The following WIPF3 variants were observed in gnomAD, a reference collection of about 807,000 sequenced individuals.
WIPF3 encodes the protein WAS/WASL-interacting protein family member 3.
WIPF3 carries 33 observed loss-of-function variants against 38.9 expected under a neutral mutation model. The ratio of observed to expected loss-of-function variants is 0.85; its 90% CI spans 0.64 to 1.14. WIPF3 has a LOEUF of 1.14. Ranked by LOEUF, WIPF3 falls within the 50% of genes most tolerant of loss-of-function variation. The probability of loss-of-function intolerance (pLI) is 0.00; values close to 1 mark genes in which losing one functional copy is unlikely to be tolerated. For missense variants in WIPF3, 711 were observed against 652.5 expected (o/e 1.09, Z -0.98); for synonymous variants, 324 against 269.3 (o/e 1.20, Z -1.99).
intron 7 of WIPF3, 127 bp downstream of exon 7, chr7:29,889,534 T>TGTA (rs1301755881): frequency 4.3e-5 from 30 of 699,852 alleles, no homozygotes; most frequent in Admixed American, 1.4e-4. Flanking sequence ...ACTGCAAGGA[T>TGTA]GTAGTGCTGT....
chr7:29,817,828 G>A (rs573969078), intron 1 of WIPF3, among the ~76,000 whole-genome samples: 1 of 152,100 alleles, frequency 6.6e-6, no homozygotes, highest in South Asian at 2.1e-4. Context: ...GTTATAAAAA[G>A]CAAACAAGTT....
intron 7 of WIPF3, among the ~76,000 whole-genome samples, chr7:29,895,726 G>A (rs530906957): frequency 3.3e-5 from 5 of 152,260 alleles, no homozygotes; most frequent in South Asian, 2.1e-4. Context: ...GTGACGGAGC[G>A]GAGCAACAGG....
chr7:29,883,844 T>C lies in WIPF3; in HGVS notation c.356-6T>C, dbSNP rs370441665. ...CGAGCTAACCCAGAATCTCTTTCACTTCCAGGTGGCAAGACAGGGCAGGGC... is the reference window on the plus strand; with the variant it reads ...CGAGCTAACCCAGAATCTCTTTCACCTCCAGGTGGCAAGACAGGGCAGGGC... On this transcript the variant is annotated splice_polypyrimidine_tract_variant and splice_region_variant and intron_variant, in intron 4 of 8. Coordinates refer to ENST00000242140, the MANE Select transcript of WIPF3 (RefSeq NM_001080529.3). The C allele has an allele frequency of 3.7e-5, 56 of 1,521,856 alleles. No homozygotes were observed. The African/African-American group carries it at 6.8e-4, about 18-fold the overall frequency. 94.3% of individuals were successfully genotyped at this position (1,521,856 alleles called of 1,614,324 possible).
intron 7 of WIPF3, 27 bp from the exon 8 acceptor site, chr7:29,904,259 T>A (rs1562791323): frequency 6.2e-7 from 1 of 1,612,488 alleles, no homozygotes; most frequent in Admixed American, 1.7e-5. Context: ...GGCCAATAGA[T>A]AATGAGATTG....
chr7:29,811,813 GGCCAAAAT>G (rs1784383962), intron 1 of WIPF3, among the ~76,000 whole-genome samples: 1 of 152,134 alleles, frequency 6.6e-6, no homozygotes, highest in South Asian at 2.1e-4. Flanking sequence ...CTCTTTGCAG[GGCCAAAAT>G]GCTGTGGTTC....
intron 7 of WIPF3, among the ~76,000 whole-genome samples, chr7:29,897,763 C>A (rs138690209): frequency 1.3e-5 from 2 of 152,140 alleles, no homozygotes; most frequent in African/African-American, 2.4e-5. Context: ...TCCATCTTTG[C>A]GGAAGGCAGC....
chr7:29,806,611 A>AGGCGGC lies in WIPF3; in HGVS notation c.-116_-111dup, dbSNP rs904135273. On this transcript the variant is annotated 5_prime_UTR_variant, in exon 1 of 9. Transcript: ENST00000242140. ...GCTGCGGGACGGAGCCCGGAGCCGG[A>AGGCGGC]GGCGGCGGCGGCGGAGACGTCGGCC... is the stretch of plus-strand genomic sequence containing the variant. 6.6e-6 allele frequency: 1 copy of AGGCGGC among 151,036 alleles called. No homozygotes were observed. The highest frequency in any genetic ancestry group is 1.5e-5 in the Non-Finnish European group (1 of 67,714). The allele number at this position is 151,036 out of a possible 1,614,324, so 9.4% of individuals were successfully genotyped here. A position where few individuals can be genotyped will look rare whatever the true frequency, so the allele number is the denominator to read the frequency against.
At chr7:29,897,867 C>G (rs1238404459) in intron 7 of WIPF3, among the ~76,000 whole-genome samples, 3 of 152,162 alleles carry the variant, frequency 2.0e-5, no homozygotes, top group Non-Finnish European at 4.4e-5. Flanking sequence ...CTTCCAGCAC[C>G]CCACTCTTTT....
chr7:29,888,349 C>T (rs1785929028), intron 6 of WIPF3, 132 bp downstream of exon 6: 2 of 1,197,608 alleles, frequency 1.7e-6, no homozygotes, highest in Non-Finnish European at 2.3e-6. Flanking sequence ...CAGGGGCTCA[C>T]TCCAGCACCA....
intron 8 of WIPF3, among the ~76,000 whole-genome samples, chr7:29,908,955 T>G (rs1172888913): frequency 6.7e-6 from 1 of 150,164 alleles, no homozygotes; most frequent in Non-Finnish European, 1.5e-5. Flanking sequence ...ATATCTTTCC[T>G]AGCACAGTGG....
At chr7:29,836,990 C>A (rs1393187172) in intron 2 of WIPF3, among the ~76,000 whole-genome samples, 1 of 150,530 alleles carries the variant, frequency 6.6e-6, no homozygotes, top group Non-Finnish European at 1.5e-5. Context: ...GACTCTGTCT[C>A]AAAACAAAAA....
At chr7:29,853,500 C>G (rs1488290649) in intron 2 of WIPF3, among the ~76,000 whole-genome samples, 1 of 152,218 alleles carries the variant, frequency 6.6e-6, no homozygotes, top group Non-Finnish European at 1.5e-5. Context: ...CAGTGCATCC[C>G]CTAAAGCCCC....
At position 29,914,729 on chromosome 7, in the gene WIPF3, A is replaced by AT. The variant is rs1008681633; in HGVS notation, c.*219dup. The AT allele has an allele frequency of 1.0e-5, 4 of 384,424 alleles. No homozygotes were observed. The highest frequency in any genetic ancestry group is 4.2e-5 in the African/African-American group (2 of 47,354). 23.8% of individuals were successfully genotyped at this position (384,424 alleles called of 1,614,324 possible). On this transcript the variant is annotated 3_prime_UTR_variant, in exon 9 of 9. Transcript: ENST00000242140. ...TTTTTAAAACACCCCTCATTTTTCC[A>AT]TTTTTTGCATTGCATCTTGGCATTT...
At position 29,892,531 on chromosome 7, in the gene WIPF3, T is replaced by A. The variant is rs930244969; in HGVS notation, c.1351+3124T>A. ...AGTGGATGCTGTGGATGTTCATGCC[T>A]GGCACTGTTCTAGGTGCTTTGCATA... is the stretch of plus-strand genomic sequence containing the variant. On this transcript the variant is annotated intron_variant, in intron 7 of 8. Transcript: ENST00000242140. Among the ~76,000 whole-genome samples, 3 of 152,242 alleles carry A rather than the reference T, an allele frequency of 2.0e-5. No individual in the cohort carries two copies. The South Asian group carries it at 6.2e-4, about 31-fold the overall frequency.
rs1275421822 is a variant in WIPF3, at chr7:29,884,347, G to C, written c.853G>C (p.Asp285His). The change falls in exon 5 of 9, where the codon GAT (aspartate) becomes CAT (histidine). Residue 285 changes from aspartate (D) to histidine (H), a missense_variant. Transcript: ENST00000242140. ...AGCGGAGCCCGCCAGCCCTGCGCAA[G>C]ATGCGCAGGAGCCTCCCGCCCCGCC... ...LKAEPASPAQ[D>H]AQEPPAPPPP... 15 of 1,363,702 alleles carry C rather than the reference G, an allele frequency of 1.1e-5. No homozygotes were observed. The African/African-American group carries it at 2.4e-4, about 21-fold the overall frequency. 84.5% of individuals were successfully genotyped at this position (1,363,702 alleles called of 1,614,324 possible).
chr7:29,835,157 C>T (rs1186310224), intron 2 of WIPF3, among the ~76,000 whole-genome samples: 1 of 151,958 alleles, frequency 6.6e-6, no homozygotes, highest in Non-Finnish European at 1.5e-5. Flanking sequence ...AGTGCACGGC[C>T]AATGAGGCCT....
intron 1 of WIPF3, among the ~76,000 whole-genome samples, chr7:29,818,580 T>A (rs1784491938): frequency 6.7e-6 from 1 of 149,588 alleles, no homozygotes; most frequent in African/African-American, 2.4e-5. Flanking sequence ...TTATATAAAA[T>A]TAAGATAATT....
At chr7:29,849,062 G>A (rs139922025) in intron 2 of WIPF3, among the ~76,000 whole-genome samples, 64 of 152,122 alleles carry the variant, frequency 4.2e-4, no homozygotes, top group Middle Eastern at 3.4e-3. Flanking sequence ...AAAAATAAAA[G>A]TTCATAAGTC....
intron 7 of WIPF3, among the ~76,000 whole-genome samples, chr7:29,891,955 G>A (rs1026506353): frequency 6.6e-6 from 1 of 152,180 alleles, no homozygotes. Flanking sequence ...TCTGTCCCAC[G>A]TGGTACATCA....
Sources: gnomAD v4.1 joint callset for allele counts (sites outside exome capture counted in the v4.1 genomes callset) on GRCh38, gnomAD v4.1.1 for gene constraint, MANE v1.5 for transcripts, NCBI Gene and HGNC (gene_info 2026-07-23, HGNC 2026-07-21) for gene names.